The following PTPRO variants were observed in gnomAD, a reference collection of about 807,000 sequenced individuals.
The protein encoded by PTPRO is protein tyrosine phosphatase receptor type O.
PTPRO carries 62 observed loss-of-function variants against 145.2 expected under a neutral mutation model. The ratio of observed to expected loss-of-function variants is 0.43; its 90% CI spans 0.35 to 0.53. PTPRO has a LOEUF of 0.53. PTPRO is among the 20% of genes least tolerant of loss of function. PTPRO has a pLI of 0.01. For missense variants in PTPRO, 1,345 were observed against 1,482.7 expected, an observed-to-expected ratio of 0.91 and a Z score of 1.53; for synonymous variants, 565 against 514.7, an observed-to-expected ratio of 1.10 and a Z score of -1.32.
intron 8 of PTPRO, among the ~76,000 whole-genome samples, chr12:15,516,446 AAGAAGAGAGTGAGAAAGAG>A (rs1236002338): frequency 3.5e-5 from 3 of 85,336 alleles, no homozygotes; most frequent in African/African-American, 7.6e-5. Flanking sequence ...GAGAGTGAGA[AAGAAGAGAGTGAGAAAGAG>A]AGAGAAAAAG....
chr12:15,509,540 T>C (rs1454200362), intron 7 of PTPRO, among the ~76,000 whole-genome samples: 9 of 151,070 alleles, frequency 6.0e-5, no homozygotes, highest in Admixed American at 5.9e-4. Context: ...CTACTAAAAA[T>C]ACAAAAATTA....
At chr12:15,422,408 A>T (rs1940171112) in intron 1 of PTPRO, among the ~76,000 whole-genome samples, 1 of 152,168 alleles carries the variant, frequency 6.6e-6, no homozygotes, top group African/African-American at 2.4e-5. Context: ...AATCACAAAA[A>T]CTTGGAAAAA....
At chr12:15,418,292 T>A (rs878986464) in intron 1 of PTPRO, among the ~76,000 whole-genome samples, 4 of 151,790 alleles carry the variant, frequency 2.6e-5, no homozygotes, top group South Asian at 2.1e-4. Context: ...TAATTATGGC[T>A]ATAGATTAAC....
At chr12:15,565,333 T>C (rs1216120000) in intron 17 of PTPRO, 1 of 318,764 alleles carries the variant, frequency 3.1e-6, no homozygotes, top group Non-Finnish European at 5.8e-6. Context: ...AGAAATTTCA[T>C]TTCTAGAACT....
At chr12:15,428,874 G>T (rs910819374) in intron 1 of PTPRO, among the ~76,000 whole-genome samples, 9 of 152,172 alleles carry the variant, frequency 5.9e-5, no homozygotes, top group African/African-American at 2.2e-4. Flanking sequence ...GGAAGGAGAA[G>T]ATGATTGCCA....
Position 15,508,449 on chromosome 12 carries a change from G to A in PTPRO, c.1268-122G>A, listed in dbSNP as rs567154026. On this transcript the variant is annotated intron_variant, in intron 6 of 26. Coordinates refer to ENST00000281171, the MANE Select transcript of PTPRO (RefSeq NM_030667.3). ...GACCTGAAGAGTTGCCAGTCCGACC[G>A]CCAATCTTTCTTTGAATCTCATTGT... The A allele has an allele frequency of 1.2e-4, 128 of 1,071,208 alleles. 5 individuals are homozygous for A. The highest frequency in any genetic ancestry group is 1.0e-3 in the South Asian group (74 of 73,632). 66.4% of individuals were successfully genotyped at this position (1,071,208 alleles called of 1,614,324 possible).
chr12:15,483,673 C>T (rs1591641755), intron 1 of PTPRO, among the ~76,000 whole-genome samples: 1 of 152,210 alleles, frequency 6.6e-6, no homozygotes, highest in African/African-American at 2.4e-5. Flanking sequence ...TACTCCTCCA[C>T]AGGATGTTTA....
At chr12:15,444,898 A>C (rs140746107) in intron 1 of PTPRO, among the ~76,000 whole-genome samples, 197 of 152,280 alleles carry the variant, frequency 1.3e-3, no homozygotes, top group Non-Finnish European at 2.2e-3. Context: ...TAGTTTTCAC[A>C]CTGGCCTTAT....
At chr12:15,508,248 T>C (rs2075244) in intron 6 of PTPRO, among the ~76,000 whole-genome samples, 39,919 of 152,122 alleles carry the variant, frequency 0.26, 5,394 homozygotes, top group African/African-American at 0.3. Context: ...AAATGCCACA[T>C]TGCCACGCTC....
chr12:15,360,679 ATT>A (rs1365938323), intron 1 of PTPRO, among the ~76,000 whole-genome samples: 1 of 150,932 alleles, frequency 6.6e-6, no homozygotes, highest in Non-Finnish European at 1.5e-5. Context: ...AAATATACAA[ATT>A]TTCTCTTATA....
At chr12:15,332,710 T>C (rs1371532875) in intron 1 of PTPRO, among the ~76,000 whole-genome samples, 3 of 152,224 alleles carry the variant, frequency 2.0e-5, no homozygotes, top group Admixed American at 2.0e-4. Context: ...TAATCATAAA[T>C]GGTGACATTA....
At chr12:15,356,956 G>C (rs757950903) in intron 1 of PTPRO, among the ~76,000 whole-genome samples, 1 of 152,116 alleles carries the variant, frequency 6.6e-6, no homozygotes, top group African/African-American at 2.4e-5. Context: ...GCTGTTTTCA[G>C]CTGCCTTGTT....
chr12:15,362,271 G>C (rs1050876678), intron 1 of PTPRO, among the ~76,000 whole-genome samples: 11 of 152,186 alleles, frequency 7.2e-5, no homozygotes, highest in African/African-American at 2.4e-4. Context: ...CTACTGAGAA[G>C]GCAATGCAAT....
intron 17 of PTPRO, among the ~76,000 whole-genome samples, chr12:15,560,838 T>G (rs1565429721): frequency 1.3e-5 from 2 of 152,084 alleles, no homozygotes; most frequent in African/African-American, 4.8e-5. Flanking sequence ...CTTACGGAGA[T>G]TTACTGTCTT....
intron 22 of PTPRO, 136 bp from the exon 23 acceptor site, chr12:15,581,543 G>GTA: frequency 9.7e-7 from 1 of 1,030,672 alleles, no homozygotes; most frequent in Non-Finnish European, 1.5e-6. Flanking sequence ...AGCAGAAATG[G>GTA]TTTGCTTTAT....
intron 1 of PTPRO, among the ~76,000 whole-genome samples, chr12:15,455,447 C>CA (rs1565639632): frequency 1.3e-5 from 2 of 152,024 alleles, no homozygotes; most frequent in Non-Finnish European, 2.9e-5. Context: ...GAAGTAAGGA[C>CA]ATTTGAACAA....
At chr12:15,515,855 A>G (rs1942565704) in intron 8 of PTPRO, among the ~76,000 whole-genome samples, 1 of 152,218 alleles carries the variant, frequency 6.6e-6, no homozygotes, top group East Asian at 1.9e-4. Flanking sequence ...TTCAATGATT[A>G]TACAACAAGA....
intron 1 of PTPRO, among the ~76,000 whole-genome samples, chr12:15,475,048 C>G (rs1371982311): frequency 6.6e-6 from 1 of 152,212 alleles, no homozygotes; most frequent in African/African-American, 2.4e-5. Context: ...ATCCCCAAAG[C>G]TGTCGTTAGC....
chr12:15,538,518 C>T (rs1227913698), intron 12 of PTPRO, among the ~76,000 whole-genome samples: 9 of 152,190 alleles, frequency 5.9e-5, no homozygotes, highest in South Asian at 2.1e-4. Flanking sequence ...CCACCGCGCC[C>T]GGCCCACTTT....
Sources: allele counts gnomAD v4.1 joint callset (sites outside exome capture counted in the v4.1 genomes callset), GRCh38; gene constraint gnomAD v4.1.1; transcripts MANE v1.5; gene names NCBI Gene and HGNC (gene_info 2026-07-23, HGNC 2026-07-21).